Variants in NEBL observed in about 807,000 individuals in gnomAD.
The protein encoded by NEBL is LIM and SH3 protein 2.
In NEBL, 122 loss-of-function variants were observed where a neutral mutation model predicts 140.2. The ratio of observed to expected loss-of-function variants is 0.87; its 90% CI spans 0.75 to 1.01. The LOEUF is 1.01. Among genes scored for constraint, NEBL ranks in the 50% least tolerant of loss-of-function variants. NEBL has a pLI of 0.00. For missense variants in NEBL, 1,365 were observed against 1,231.3 expected, an observed-to-expected ratio of 1.11 and a Z score of -1.62; for synonymous variants, 436 against 398.9, an observed-to-expected ratio of 1.09 and a Z score of -1.11.
Position 20,840,690 on chromosome 10 carries a change from A to G in NEBL, c.1338+49T>C, listed in dbSNP as rs1261882530. On this transcript the variant is annotated intron_variant, in intron 13 of 27. Coordinates refer to ENST00000377122, the MANE Select transcript of NEBL (RefSeq NM_006393.3). ...CTTTGAGAAAGATTGACAAATAAGA[A>G]AGTCAGCTAAAAACATATTCATCTA... 5.6e-6 allele frequency: 7 copies of G among 1,252,024 alleles called. No individual in the cohort carries two copies. In the South Asian group the frequency reaches 8.5e-5, roughly 15 times the overall value. The allele number at this position is 1,252,024 out of a possible 1,614,324, so 77.6% of individuals were successfully genotyped here. A position where few individuals can be genotyped will look rare whatever the true frequency, so the allele number is the denominator to read the frequency against.
chr10:20,797,057 T>C (rs1349619214), intron 26 of NEBL, among the ~76,000 whole-genome samples: 1 of 152,220 alleles, frequency 6.6e-6, no homozygotes, highest in Non-Finnish European at 1.5e-5. Context: ...AACTGGCAGG[T>C]AGACAGAGAT....
chr10:21,034,595 C>T (rs956067912), intron 2 of NEBL, among the ~76,000 whole-genome samples: 4 of 152,204 alleles, frequency 2.6e-5, no homozygotes, highest in African/African-American at 9.7e-5. Flanking sequence ...GCAATTTCAA[C>T]AGACTAATAT....
At chr10:21,088,720 T>A (rs2131957586) in intron 2 of NEBL, among the ~76,000 whole-genome samples, 1 of 152,276 alleles carries the variant, frequency 6.6e-6, no homozygotes, top group South Asian at 2.1e-4. Flanking sequence ...ATCCTTCCAG[T>A]GGAAGATGGA....
At chr10:20,987,309 T>G (rs1837294331) in intron 3 of NEBL, among the ~76,000 whole-genome samples, 1 of 152,132 alleles carries the variant, frequency 6.6e-6, no homozygotes, top group South Asian at 2.1e-4. Flanking sequence ...TTGAGTTGGA[T>G]GACCCCATTC....
chr10:21,085,715 C>T (rs1257902915), intron 2 of NEBL, among the ~76,000 whole-genome samples: 1 of 152,052 alleles, frequency 6.6e-6, no homozygotes, highest in Admixed American at 6.5e-5. Context: ...CAATTTTCTA[C>T]ATAAATATTA....
chr10:20,926,602 T>A lies in NEBL; in HGVS notation c.357+35070A>T, dbSNP rs148070879. On this transcript the variant is annotated intron_variant, in intron 4 of 6. Transcript: ENST00000417816. ...TAGGGGCATATTACTATAGGACTTA[T>A]GCTCCAGGAAAGAAATCTGTCCCTC... Among the ~76,000 whole-genome samples the A allele has an allele frequency of 5.9e-5, 9 of 152,220 alleles. 1 individual carries two copies. In the South Asian group the frequency reaches 6.2e-4, roughly 10 times the overall value.
chr10:21,014,423 A>G (rs1279703278), intron 3 of NEBL, among the ~76,000 whole-genome samples: 1 of 152,216 alleles, frequency 6.6e-6, no homozygotes, highest in Non-Finnish European at 1.5e-5. Context: ...GGCAAAAGAA[A>G]TTTAGGTCAA....
At chr10:21,217,113 C>G (rs958651622) in intron 3 of NEBL, among the ~76,000 whole-genome samples, 10 of 152,190 alleles carry the variant, frequency 6.6e-5, no homozygotes, top group Non-Finnish European at 1.5e-5. Flanking sequence ...CAAGGTAAGT[C>G]CACCTCTGCA....
Position 20,840,782 on chromosome 10 carries a change from A to C in NEBL, c.1295T>G (p.Leu432Arg). The C allele has an allele frequency of 1.2e-6, 2 of 1,612,078 alleles. No individual in the cohort carries two copies. The highest frequency in any genetic ancestry group is 2.2e-5 in the South Asian group (2 of 91,036). Reference sequence around the variant, plus strand: ...GGCTCGCTTTGCTCTTTGGATATCAAGAACTTCTGAATTAAGTTCCATTCC... The same window carrying C: ...GGCTCGCTTTGCTCTTTGGATATCACGAACTTCTGAATTAAGTTCCATTCC... ...GKGMELNSEV[L>R]DIQRAKRASE... The change falls in exon 13 of 28, where the codon CTT becomes CGT. Residue 432 changes from leucine (L) to arginine (R), a missense_variant. By Grantham distance (102) the Leu-to-Arg change is moderately radical. Coordinates refer to ENST00000377122, the MANE Select transcript of NEBL (RefSeq NM_006393.3).
intron 2 of NEBL, among the ~76,000 whole-genome samples, chr10:21,119,098 G>T (rs531238926): frequency 1.2e-4 from 18 of 152,296 alleles, no homozygotes; most frequent in African/African-American, 4.1e-4. Flanking sequence ...AATTCTGGAT[G>T]ATCTAAATCA....
At chr10:21,133,012 G>A (rs776893823) in intron 2 of NEBL, among the ~76,000 whole-genome samples, 1 of 152,024 alleles carries the variant, frequency 6.6e-6, no homozygotes, top group Non-Finnish European at 1.5e-5. Flanking sequence ...TCCTTTTATT[G>A]CATGTGTTTT....
At chr10:20,811,665 T>C (rs749505221) in intron 24 of NEBL, among the ~76,000 whole-genome samples, 7 of 152,234 alleles carry the variant, frequency 4.6e-5, no homozygotes, top group Non-Finnish European at 1.0e-4. Flanking sequence ...CCTGGTTTTG[T>C]AAAGACATTA....
chr10:21,198,595 C>G (rs1841687233), intron 3 of NEBL, among the ~76,000 whole-genome samples: 1 of 152,220 alleles, frequency 6.6e-6, no homozygotes, highest in Non-Finnish European at 1.5e-5. Flanking sequence ...AGAATCTGTG[C>G]TGTAGAAATC....
At chr10:20,808,418 T>C in intron 26 of NEBL, 92 bp downstream of exon 26, 2 of 1,305,544 alleles carry the variant, frequency 1.5e-6, no homozygotes, top group Non-Finnish European at 2.2e-6. Flanking sequence ...AGGATAGATG[T>C]TCATGCAAAA....
chr10:20,791,831 G>T (rs892652592), intron 26 of NEBL, among the ~76,000 whole-genome samples: 21 of 152,176 alleles, frequency 1.4e-4, no homozygotes, highest in African/African-American at 1.7e-4. Flanking sequence ...AAGTTCACTG[G>T]GGGGGATGTA....
At position 20,835,632 on chromosome 10, in the gene NEBL, GAC is replaced by G; in HGVS notation, c.1339-11_1339-10del. 1 of 1,574,672 alleles carries G rather than the reference GAC, an allele frequency of 6.4e-7. No homozygotes were observed. Among genetic ancestry groups the G allele is most frequent in the Non-Finnish European group, 8.7e-7 (1 of 1,147,828 alleles). ...TCTTTCTTGTATTCTTTCTGCAAAA[GAC>G]AACATTTTACAACATTCAAACACTC... On this transcript the variant is annotated splice_polypyrimidine_tract_variant and intron_variant, in intron 13 of 27. Transcript: ENST00000377122.
At chr10:20,989,982 C>T (rs1028548595) in intron 3 of NEBL, among the ~76,000 whole-genome samples, 3 of 152,024 alleles carry the variant, frequency 2.0e-5, no homozygotes, top group Non-Finnish European at 4.4e-5. Flanking sequence ...TGATAAAAAT[C>T]GGAAATATTT....
chr10:20,935,064 T>G (rs1366806159), intron 4 of NEBL, among the ~76,000 whole-genome samples: 2 of 152,158 alleles, frequency 1.3e-5, no homozygotes, highest in African/African-American at 4.8e-5. Flanking sequence ...CCATGTCTGG[T>G]GCTAGGGTTA....
rs959684198 is a variant in NEBL at position 21,275,807 on chromosome 10, ATTTTTTT to A, written n.182+17016_182+17022del. On this transcript the variant is annotated intron_variant and non_coding_transcript_variant, in intron 1 of 8. Coordinates refer to the NEBL transcript ENST00000675702. ...AGGCAAGTGCCACCACACCCAGCTA[ATTTTTTT>A]TTTTTTTTTTTTTTTGTATTTTTAG... is the stretch of plus-strand genomic sequence containing the variant. 7.1e-4 allele frequency among the ~76,000 whole-genome samples: 81 copies of A among 113,778 alleles called. 2 individuals are homozygous for A. The highest frequency in any genetic ancestry group is 5.6e-3 in the Admixed American group (61 of 10,854). 74.6% of individuals were successfully genotyped at this position (113,778 alleles called of 152,430 possible).
Sources: allele counts gnomAD v4.1 joint callset (sites outside exome capture counted in the v4.1 genomes callset), GRCh38; gene constraint gnomAD v4.1.1; transcripts MANE v1.5; gene names NCBI Gene and HGNC (gene_info 2026-07-23, HGNC 2026-07-21).